PATJ: variants seen among roughly 807,000 people sequenced by gnomAD.
PATJ encodes PATJ crumbs cell polarity complex component.
PATJ carries 190 observed loss-of-function variants against 224.9 expected under a neutral mutation model. That is an observed-to-expected ratio of 0.84 (90% confidence interval 0.75 to 0.95). The LOEUF (loss-of-function observed/expected upper bound fraction) is 0.95. PATJ is among the 40% of genes least tolerant of loss of function. The probability of loss-of-function intolerance (pLI) is 0.00; values close to 1 mark genes in which losing one functional copy is unlikely to be tolerated. For synonymous variants in PATJ, 769 were observed against 820.3 expected, an observed-to-expected ratio of 0.94 and a Z score of 1.07; for missense variants, 2,121 against 2,270.3, an observed-to-expected ratio of 0.93 and a Z score of 1.34.
intron 34 of PATJ, among the ~76,000 whole-genome samples, chr1:62,110,058 A>C (rs148683313): frequency 5.3e-5 from 8 of 152,308 alleles, no homozygotes; most frequent in Admixed American, 2.0e-4. Context: ...ATTTTTCAAA[A>C]ATCAAGTTAA....
At chr1:61,780,362 G>T (rs970352991) in intron 7 of PATJ, among the ~76,000 whole-genome samples, 1 of 152,086 alleles carries the variant, frequency 6.6e-6, no homozygotes, top group Middle Eastern at 3.2e-3. Context: ...CTACTCAGGA[G>T]GCTGAGGCAT....
At chr1:62,148,468 C>A in intron 42 of PATJ, 78 bp downstream of exon 42, 1 of 1,011,872 alleles carries the variant, frequency 9.9e-7, no homozygotes, top group Non-Finnish European at 1.6e-6. Flanking sequence ...CTCAAGTGCA[C>A]TCTAAAGGAG....
At chr1:62,043,200 C>A (rs925122210) in intron 30 of PATJ, among the ~76,000 whole-genome samples, 1 of 152,096 alleles carries the variant, frequency 6.6e-6, no homozygotes, top group African/African-American at 2.4e-5. Context: ...CTGCCTGTGT[C>A]AAAGGGTAGT....
rs201612465 is a variant in PATJ, at chr1:61,987,397, CT to C, written c.3671-2762del. Reference sequence around the variant, plus strand: ...ATTGTCTTGTTAAAGTTATCAACATCTTTTTTTTTAAAAAAAAGATGCCTTA... The same window carrying C: ...ATTGTCTTGTTAAAGTTATCAACATCTTTTTTTTAAAAAAAAGATGCCTTA... On this transcript the variant is annotated intron_variant, in intron 27 of 43. Coordinates refer to ENST00000642238, the MANE Select transcript of PATJ (RefSeq NM_001350145.3). 3.4e-5 allele frequency among the ~76,000 whole-genome samples: 5 copies of C among 148,184 alleles called. No individual in the cohort carries two copies. The East Asian group carries it at 7.8e-4, about 23-fold the overall frequency.
At chr1:61,951,537 G>T (rs1317195767) in intron 27 of PATJ, among the ~76,000 whole-genome samples, 1 of 152,004 alleles carries the variant, frequency 6.6e-6, no homozygotes, top group Admixed American at 6.6e-5. Context: ...GTATTCAGGT[G>T]TGTGGGGGGT....
At chr1:62,148,120 T>TGAAAAAAAA (rs1558235712) in intron 41 of PATJ, among the ~76,000 whole-genome samples, 164 bp from the exon 42 acceptor site, 1 of 108,498 alleles carries the variant, frequency 9.2e-6, no homozygotes, top group Non-Finnish European at 1.9e-5. Context: ...GACACTGTCT[T>TGAAAAAAAA]TAAAAAAAAA....
chr1:61,884,776 G>C (rs958688249), intron 22 of PATJ, among the ~76,000 whole-genome samples: 1 of 152,116 alleles, frequency 6.6e-6, no homozygotes, highest in Admixed American at 6.5e-5. Context: ...AGTGTAAAAG[G>C]GGGTAGTTGA....
rs1558235712 is a variant in PATJ, at chr1:62,148,120, T to TAA, written c.5272-164_5272-163insAA. 2.8e-3 allele frequency among the ~76,000 whole-genome samples: 304 copies of TAA among 108,468 alleles called. 18 individuals are homozygous for TAA. The highest frequency in any genetic ancestry group is 0.016 in the East Asian group (65 of 4,086). 71.2% of individuals were successfully genotyped at this position (108,468 alleles called of 152,430 possible). A position where few individuals can be genotyped will look rare whatever the true frequency, so the allele number is the denominator to read the frequency against. ...TGAGCAACAGAGTGAGACACTGTCTTTAAAAAAAAAAAAAAAAAAAAGTTT... is the reference window on the plus strand; with the variant it reads ...TGAGCAACAGAGTGAGACACTGTCTTAATAAAAAAAAAAAAAAAAAAAAGTTT... On this transcript the variant is annotated intron_variant, in intron 41 of 43. Transcript: ENST00000642238.
chr1:62,117,352 T>C, intron 37 of PATJ, 134 bp downstream of exon 37: 3 of 1,446,824 alleles, frequency 2.1e-6, no homozygotes, highest in South Asian at 2.9e-5. Flanking sequence ...TAGTGAACTT[T>C]CATGTGTTTG....
intron 11 of PATJ, 84 bp downstream of exon 11, chr1:61,797,512 C>A: frequency 8.3e-7 from 1 of 1,208,122 alleles, no homozygotes; most frequent in Non-Finnish European, 1.2e-6. Context: ...CCATGAGTCT[C>A]AGCAGGAAAT....
intron 27 of PATJ, among the ~76,000 whole-genome samples, chr1:61,979,578 G>A (rs1467218727): frequency 6.6e-6 from 1 of 151,572 alleles, no homozygotes; most frequent in Admixed American, 6.6e-5. Flanking sequence ...GCTTGAACTC[G>A]GGAGGCGGAG....
At chr1:61,976,210 G>A (rs1057029317) in intron 27 of PATJ, among the ~76,000 whole-genome samples, 2 of 152,074 alleles carry the variant, frequency 1.3e-5, no homozygotes, top group African/African-American at 2.4e-5. Flanking sequence ...TGAACATAAC[G>A]TGCTTCTTTA....
At chr1:61,977,638 C>T (rs1314950970) in intron 27 of PATJ, among the ~76,000 whole-genome samples, 4 of 151,744 alleles carry the variant, frequency 2.6e-5, no homozygotes, top group Admixed American at 2.6e-4. Flanking sequence ...ACTTTTTCTC[C>T]CAGATTCAAC....
intron 29 of PATJ, among the ~76,000 whole-genome samples, chr1:62,037,592 G>A (rs1331937584): frequency 1.3e-5 from 2 of 152,056 alleles, no homozygotes; most frequent in Non-Finnish European, 2.9e-5. Context: ...AGAACAAAAC[G>A]CCCCAGACAT....
At chr1:61,971,928 G>T (rs1683036486) in intron 27 of PATJ, among the ~76,000 whole-genome samples, 1 of 151,864 alleles carries the variant, frequency 6.6e-6, no homozygotes, top group South Asian at 2.1e-4. Context: ...GGTTGAGGCT[G>T]CAGTGAGCCA....
At chr1:62,126,001 C>G (rs2148936717) in intron 39 of PATJ, among the ~76,000 whole-genome samples, 1 of 152,296 alleles carries the variant, frequency 6.6e-6, no homozygotes, top group East Asian at 1.9e-4. Context: ...AAACTCCTGA[C>G]CTCGAGTGTT....
At chr1:61,758,562 G>A (rs1227491867) in intron 1 of PATJ, among the ~76,000 whole-genome samples, 1 of 151,966 alleles carries the variant, frequency 6.6e-6, no homozygotes. Flanking sequence ...TGGCCAGCTA[G>A]TCTGGAACTT....
At chr1:62,152,199 TAC>T (rs905537257) in intron 42 of PATJ, among the ~76,000 whole-genome samples, 1 of 152,144 alleles carries the variant, frequency 6.6e-6, no homozygotes, top group Non-Finnish European at 1.5e-5. Flanking sequence ...TACAATATGA[TAC>T]AGTCAGTGCC....
chr1:62,050,916 G>A (rs140591124), intron 30 of PATJ, 50 bp from the exon 31 acceptor site: 110 of 1,332,052 alleles, frequency 8.3e-5, no homozygotes, highest in Non-Finnish European at 1.0e-4. Flanking sequence ...ATTCGAGGGA[G>A]TGTAAGTGAA....
Sources: gnomAD v4.1 joint callset for allele counts (sites outside exome capture counted in the v4.1 genomes callset) on GRCh38, gnomAD v4.1.1 for gene constraint, MANE v1.5 for transcripts, NCBI Gene and HGNC (gene_info 2026-07-23, HGNC 2026-07-21) for gene names.